LARP1B: variants seen among roughly 807,000 people sequenced by gnomAD.
LARP1B encodes La ribonucleoprotein 1B, also known as la-related protein 1B.
A neutral mutation model predicts 114.2 loss-of-function variants in LARP1B; 76 were observed. The ratio of observed to expected loss-of-function variants is 0.67; its 90% confidence interval spans 0.55 to 0.81. The LOEUF (loss-of-function observed/expected upper bound fraction) is 0.81, where lower values mean the gene tolerates loss of function less well. Among genes scored for constraint, LARP1B ranks in the 30% least tolerant of loss-of-function variants. The probability of loss-of-function intolerance (pLI) is 0.00; values close to 1 mark genes in which losing one functional copy is unlikely to be tolerated. For missense variants in LARP1B, 1,014 were observed against 1,075.8 expected (o/e 0.94, Z 0.80); for synonymous variants, 345 against 348.0 (o/e 0.99, Z 0.10).
intron 10 of LARP1B, among the ~76,000 whole-genome samples, chr4:128,119,539 T>G (rs1396131881): frequency 6.6e-6 from 1 of 152,184 alleles, no homozygotes; most frequent in African/African-American, 2.4e-5. Context: ...ATAAAGGGAT[T>G]GGATTGACTG....
At position 128,165,565 on chromosome 4, in the gene LARP1B, G is replaced by A. The variant is rs541847828; in HGVS notation, c.1648+3248G>A. ...GAATGATCCTAATAGAAAAGAGTTG[G>A]TATTGCTATTACGATATAGAATTTA... On this transcript the variant is annotated intron_variant, in intron 12 of 19. Transcript: ENST00000326639. 2.6e-5 allele frequency among the ~76,000 whole-genome samples: 4 copies of A among 152,124 alleles called. No individual in the cohort carries two copies. In the South Asian group the frequency reaches 8.3e-4, roughly 32 times the overall value.
At chr4:128,119,214 C>T (rs981563356) in intron 10 of LARP1B, among the ~76,000 whole-genome samples, 3 of 152,090 alleles carry the variant, frequency 2.0e-5, no homozygotes, top group African/African-American at 7.2e-5. Context: ...GTGAAAACGT[C>T]CTATGGACTT....
At chr4:128,138,785 C>T (rs1264368290) in intron 11 of LARP1B, among the ~76,000 whole-genome samples, 1 of 152,072 alleles carries the variant, frequency 6.6e-6, no homozygotes, top group African/African-American at 2.4e-5. Context: ...TGGTGAAATC[C>T]TATCTCTACT....
intron 10 of LARP1B, among the ~76,000 whole-genome samples, chr4:128,117,363 C>T (rs1786228841): frequency 6.6e-6 from 1 of 152,006 alleles, no homozygotes; most frequent in African/African-American, 2.4e-5. Flanking sequence ...GCACCTGCTA[C>T]TACACCCGGC....
chr4:128,172,530 TAA>T (rs1744183388), intron 12 of LARP1B, among the ~76,000 whole-genome samples: 2 of 151,880 alleles, frequency 1.3e-5, no homozygotes, highest in South Asian at 2.1e-4. Context: ...CCATCTCTAC[TAA>T]AAATACAAAA....
chr4:128,147,949 TAAA>T (rs1333444030), intron 11 of LARP1B, among the ~76,000 whole-genome samples: 3 of 152,270 alleles, frequency 2.0e-5, no homozygotes, highest in Admixed American at 6.5e-5. Context: ...TCCTGAGTAA[TAAA>T]AAGTTTCTTG....
intron 15 of LARP1B, among the ~76,000 whole-genome samples, chr4:128,196,611 C>T (rs1462090507): frequency 3.4e-5 from 5 of 148,482 alleles, no homozygotes; most frequent in Admixed American, 6.7e-5. Context: ...TTTTTTTTTT[C>T]GGACACGGAG....
chr4:128,138,026 T>G (rs1423667853), intron 11 of LARP1B, among the ~76,000 whole-genome samples: 1 of 152,170 alleles, frequency 6.6e-6, no homozygotes, highest in East Asian at 1.9e-4. Context: ...CTGGGGAATA[T>G]GAGGATTGAA....
chr4:128,072,263 A>C (rs889258020), intron 1 of LARP1B, among the ~76,000 whole-genome samples: 22 of 152,180 alleles, frequency 1.4e-4, no homozygotes, highest in African/African-American at 4.3e-4. Context: ...GGCCTCCCAA[A>C]GTGGTGGGAT....
chr4:128,195,538 A>C (rs1753791883), intron 15 of LARP1B, among the ~76,000 whole-genome samples: 1 of 152,178 alleles, frequency 6.6e-6, no homozygotes, highest in Non-Finnish European at 1.5e-5. Context: ...TGTGCTCAAC[A>C]TTTTACATGC....
intron 9 of LARP1B, among the ~76,000 whole-genome samples, chr4:128,113,351 CTTTT>C (rs781192228): frequency 7.3e-6 from 1 of 136,696 alleles, no homozygotes; most frequent in Non-Finnish European, 1.6e-5. Context: ...TTCTTTTTTT[CTTTT>C]TTTTTTTTTT....
intron 11 of LARP1B, among the ~76,000 whole-genome samples, chr4:128,137,362 C>T (rs1251862209): frequency 6.6e-6 from 1 of 152,188 alleles, no homozygotes. Flanking sequence ...ATTGTCTTCT[C>T]ATTTGGGGAT....
chr4:128,187,273 T>G (rs1750685429), intron 15 of LARP1B, among the ~76,000 whole-genome samples: 1 of 152,200 alleles, frequency 6.6e-6, no homozygotes, highest in Non-Finnish European at 1.5e-5. Context: ...TGCCAGCCCT[T>G]AAGAGCAGCC....
chr4:128,170,872 C>CTTTTTTTTTTTTTTTTTTTCTTTTT (rs70966085), intron 12 of LARP1B, among the ~76,000 whole-genome samples: 1 of 95,006 alleles, frequency 1.1e-5, no homozygotes, highest in Non-Finnish European at 2.2e-5. Flanking sequence ...TTTTTCTTTT[C>CTTTTTTTTTTTTTTTTTTTCTTTTT]TTTTTTTTTT....
chr4:128,100,782 GTCTTTTCATTT>G (rs1000108591), intron 8 of LARP1B, among the ~76,000 whole-genome samples: 1 of 150,130 alleles, frequency 6.7e-6, no homozygotes, highest in African/African-American at 2.4e-5. Context: ...CCTAGTTTTT[GTCTTTTCATTT>G]TCTTTTCTTT....
chr4:128,191,072 G>A (rs923869676), intron 15 of LARP1B, among the ~76,000 whole-genome samples: 1 of 150,998 alleles, frequency 6.6e-6, no homozygotes, highest in Non-Finnish European at 1.5e-5. Context: ...GTGAGAGCCT[G>A]TAATCCATTT....
intron 5 of LARP1B, among the ~76,000 whole-genome samples, chr4:128,087,618 G>A (rs1474538153): frequency 6.6e-6 from 1 of 152,144 alleles, no homozygotes; most frequent in African/African-American, 2.4e-5. Flanking sequence ...AATGTCCTAA[G>A]AAAATGCATC....
At chr4:128,200,749 G>A in intron 17 of LARP1B, 84 bp downstream of exon 17, 1 of 970,316 alleles carries the variant, frequency 1.0e-6, no homozygotes, top group South Asian at 1.9e-5. Context: ...CCGATAGAGG[G>A]AGTTTTTAGA....
intron 8 of LARP1B, among the ~76,000 whole-genome samples, chr4:128,098,654 G>A (rs950069846): frequency 5.5e-5 from 8 of 146,090 alleles, no homozygotes; most frequent in East Asian, 2.0e-4. Flanking sequence ...TGGGCGTGGC[G>A]GCTCGCACCT....
Sources: gnomAD v4.1 joint callset for allele counts (sites outside exome capture counted in the v4.1 genomes callset) on GRCh38, gnomAD v4.1.1 for gene constraint, MANE v1.5 for transcripts, NCBI Gene and HGNC (gene_info 2026-07-23, HGNC 2026-07-21) for gene names.